The following MEIS1 variants were observed in gnomAD, a reference collection of about 807,000 sequenced individuals.
The protein encoded by MEIS1 is Meis homeobox 1, also known as homeobox protein Meis1.
A neutral mutation model predicts 50.8 loss-of-function variants in MEIS1; 5 were observed. The observed-to-expected ratio is 0.10, with a 90% CI of 0.05 to 0.21. The LOEUF is 0.21. MEIS1 is among the 10% of genes least tolerant of loss of function. MEIS1 has a pLI of 1.00. For synonymous variants in MEIS1, 176 were observed against 179.3 expected (o/e 0.98, Z 0.15); for missense variants, 318 against 517.3 (o/e 0.61, Z 3.74).
chr2:66,524,748 A>G (rs1674208061), intron 8 of MEIS1, among the ~76,000 whole-genome samples: 1 of 152,168 alleles, frequency 6.6e-6, no homozygotes, highest in African/African-American at 2.4e-5. Context: ...AAATATTTAC[A>G]ACATTTCTCC....
Position 66,571,534 on chromosome 2 carries a change from A to G in MEIS1, c.*326A>G, listed in dbSNP as rs745385455. 3 of 1,558,822 alleles carry G rather than the reference A, an allele frequency of 1.9e-6. No individual in the cohort carries two copies. The East Asian group carries it at 7.2e-5, about 38-fold the overall frequency. ...ATGGACATTCATGCTCAGTAGCTTA[A>G]GGGAATATGCATTGTCTGCAATGGT... On this transcript the variant is annotated 3_prime_UTR_variant, in exon 13 of 13. Transcript: ENST00000272369.
intron 7 of MEIS1, among the ~76,000 whole-genome samples, chr2:66,491,965 T>A (rs1183983446): frequency 6.6e-6 from 1 of 151,902 alleles, no homozygotes; most frequent in Non-Finnish European, 1.5e-5. Context: ...GTACAGTTTA[T>A]TGTAGATATT....
At chr2:66,532,765 G>A (rs1234046410) in intron 8 of MEIS1, among the ~76,000 whole-genome samples, 2 of 152,116 alleles carry the variant, frequency 1.3e-5, no homozygotes, top group Non-Finnish European at 1.5e-5. Flanking sequence ...TTAAAAATTG[G>A]TGTTGCCATC....
intron 7 of MEIS1, among the ~76,000 whole-genome samples, chr2:66,500,154 A>T (rs1673514534): frequency 6.6e-6 from 1 of 152,166 alleles, no homozygotes; most frequent in Admixed American, 6.5e-5. Context: ...TCTTATGATC[A>T]TTTCTCTGTA....
intron 6 of MEIS1, among the ~76,000 whole-genome samples, chr2:66,460,572 C>T (rs1317362713): frequency 6.6e-6 from 1 of 152,098 alleles, no homozygotes; most frequent in Non-Finnish European, 1.5e-5. Context: ...TATTATATAT[C>T]GATCAAGAAG....
At chr2:66,493,143 G>C (rs914020316) in intron 7 of MEIS1, among the ~76,000 whole-genome samples, 4 of 152,312 alleles carry the variant, frequency 2.6e-5, no homozygotes, top group African/African-American at 7.2e-5. Context: ...GTTTGCTTAA[G>C]ATATCAGCTG....
At chr2:66,500,364 G>A (rs1459854079) in intron 7 of MEIS1, among the ~76,000 whole-genome samples, 1 of 152,098 alleles carries the variant, frequency 6.6e-6, no homozygotes, top group Non-Finnish European at 1.5e-5. Context: ...TTTAAATGTA[G>A]CCCATGTTGA....
chr2:66,546,374 A>G (rs1674792587), intron 8 of MEIS1, among the ~76,000 whole-genome samples: 1 of 152,176 alleles, frequency 6.6e-6, no homozygotes, highest in Non-Finnish European at 1.5e-5. Flanking sequence ...AGAAGTGGGC[A>G]AGGCTGGATG....
chr2:66,557,519 G>A (rs1246315971), intron 9 of MEIS1, among the ~76,000 whole-genome samples: 1 of 152,112 alleles, frequency 6.6e-6, no homozygotes, highest in Non-Finnish European at 1.5e-5. Context: ...TTTCACCAAT[G>A]TGATCATGGA....
chr2:66,446,006 T>G (rs1318911998), intron 6 of MEIS1, among the ~76,000 whole-genome samples: 1 of 152,110 alleles, frequency 6.6e-6, no homozygotes, highest in Non-Finnish European at 1.5e-5. Context: ...CGCCGCGCTC[T>G]CGGCTCGGCT....
At chr2:66,448,048 T>C (rs910754183) in intron 6 of MEIS1, among the ~76,000 whole-genome samples, 6 of 152,134 alleles carry the variant, frequency 3.9e-5, no homozygotes, top group Non-Finnish European at 2.9e-5. Flanking sequence ...CTGAAATATA[T>C]AGAGTAGTTG....
At chr2:66,542,305 A>C (rs150224785) in intron 8 of MEIS1, among the ~76,000 whole-genome samples, 1 of 151,896 alleles carries the variant, frequency 6.6e-6, no homozygotes, top group Non-Finnish European at 1.5e-5. Context: ...CTTTAAAGGG[A>C]GTATCTCCCC....
chr2:66,528,324 TG>T (rs1674307964), intron 8 of MEIS1, among the ~76,000 whole-genome samples: 1 of 152,142 alleles, frequency 6.6e-6, no homozygotes, highest in Non-Finnish European at 1.5e-5. Context: ...AGAGGTGGCA[TG>T]AATTAATTTC....
At chr2:66,508,569 C>G (rs938558894) in intron 7 of MEIS1, among the ~76,000 whole-genome samples, 1 of 152,230 alleles carries the variant, frequency 6.6e-6, no homozygotes, top group Non-Finnish European at 1.5e-5. Flanking sequence ...TGCGCAGCCC[C>G]GGCCGCTGCC....
chr2:66,473,661 T>C (rs1422900360), intron 7 of MEIS1, among the ~76,000 whole-genome samples: 1 of 152,152 alleles, frequency 6.6e-6, no homozygotes, highest in African/African-American at 2.4e-5. Flanking sequence ...ATTGAAGTTA[T>C]TGATAATAAA....
intron 9 of MEIS1, among the ~76,000 whole-genome samples, chr2:66,559,021 A>G (rs1675144587): frequency 6.6e-6 from 1 of 152,066 alleles, no homozygotes; most frequent in African/African-American, 2.4e-5. Flanking sequence ...GGGTGCCTAT[A>G]ATCTCAGCTA....
At chr2:66,523,377 A>G (rs1248056841) in intron 8 of MEIS1, among the ~76,000 whole-genome samples, 2 of 152,242 alleles carry the variant, frequency 1.3e-5, no homozygotes, top group South Asian at 2.1e-4. Flanking sequence ...ACATTCTCCT[A>G]TATTAAATTA....
intron 7 of MEIS1, among the ~76,000 whole-genome samples, chr2:66,484,278 C>T (rs1673084829): frequency 6.6e-6 from 1 of 152,172 alleles, no homozygotes. Flanking sequence ...ACTACCCGCT[C>T]ACCCTCTCTG....
intron 7 of MEIS1, among the ~76,000 whole-genome samples, chr2:66,503,798 G>A (rs1433395823): frequency 1.5e-5 from 2 of 132,114 alleles, no homozygotes; most frequent in African/African-American, 2.9e-5. Flanking sequence ...AGGCTGGAGT[G>A]CAATGGCGCG....
Sources: allele counts gnomAD v4.1 joint callset (sites outside exome capture counted in the v4.1 genomes callset), GRCh38; gene constraint gnomAD v4.1.1; transcripts MANE v1.5; gene names NCBI Gene and HGNC (gene_info 2026-07-23, HGNC 2026-07-21).